DPP10: variants seen among roughly 807,000 people sequenced by gnomAD.
The protein encoded by DPP10 is dipeptidyl peptidase like 10, also known as inactive dipeptidyl peptidase 10.
In DPP10, 33 loss-of-function variants were observed where a neutral mutation model predicts 120.9. That is an observed-to-expected ratio of 0.27 (90% CI 0.21 to 0.37). The LOEUF is 0.37. DPP10 is among the 10% of genes least tolerant of loss of function. The pLI is 1.00. For synonymous variants in DPP10, 337 were observed against 326.1 expected, an observed-to-expected ratio of 1.03 and a Z score of -0.36; for missense variants, 816 against 942.8, an observed-to-expected ratio of 0.87 and a Z score of 1.76.
rs2051865573 is a variant in DPP10, at chr2:115,155,729, C to G, written c.61-153510C>G. The stretch of plus-strand genomic sequence containing the variant: ...CTTTTGACTGCATTCTAAAATTATA[C>G]AAATATATAGAAAACCAATGGCAGA... On this transcript the variant is annotated intron_variant, in intron 1 of 25. Transcript: ENST00000410059. Among the ~76,000 whole-genome samples the G allele has an allele frequency of 2.6e-5, 4 of 152,214 alleles. No individual in the cohort carries two copies. The South Asian group carries it at 8.3e-4, about 32-fold the overall frequency.
chr2:115,291,637 T>TG lies in DPP10; in HGVS notation c.61-17601dup, dbSNP rs200695947. On this transcript the variant is annotated intron_variant, in intron 1 of 25. Transcript: ENST00000410059. ...TCACTACCTTTATTTGAATGATGGA[T>TG]GTGTTGATGCCTAAGCCCATTTATC... Among the ~76,000 whole-genome samples, 72 of 152,266 alleles carry TG rather than the reference T, an allele frequency of 4.7e-4. No homozygotes were observed. The East Asian group carries it at 0.013, about 27-fold the overall frequency.
intron 1 of DPP10, among the ~76,000 whole-genome samples, chr2:114,521,529 T>C (rs1441675786): frequency 6.6e-6 from 1 of 152,120 alleles, no homozygotes; most frequent in Non-Finnish European, 1.5e-5. Context: ...CAAATTATGA[T>C]ATAAATTATA....
Position 115,492,930 on chromosome 2 carries a change from A to G in DPP10, c.272-6580A>G, listed in dbSNP as rs144535396. On this transcript the variant is annotated intron_variant, in intron 3 of 25. Coordinates refer to ENST00000410059, the MANE Select transcript of DPP10 (RefSeq NM_020868.6). ...TGTTGGGAATTTAACAATGCTTTGA[A>G]AAAAGTGAAAAGTTTGGACAAGATC... Among the ~76,000 whole-genome samples the G allele has an allele frequency of 4.3e-4, 66 of 152,254 alleles. No individual in the cohort carries two copies. The East Asian group carries it at 0.012, about 28-fold the overall frequency.
intron 1 of DPP10, among the ~76,000 whole-genome samples, chr2:115,134,987 A>C (rs1021739908): frequency 1.3e-5 from 2 of 152,102 alleles, no homozygotes; most frequent in Non-Finnish European, 2.9e-5. Flanking sequence ...GCAATGGCAT[A>C]TGGCACTAAT....
chr2:115,690,011 C>T, intron 7 of DPP10, 90 bp downstream of exon 7: 1 of 1,318,360 alleles, frequency 7.6e-7, no homozygotes, highest in Non-Finnish European at 1.1e-6. Context: ...CATAGGAAAA[C>T]TTGTCCTACA....
intron 1 of DPP10, among the ~76,000 whole-genome samples, chr2:114,594,779 C>A (rs1447216933): frequency 1.3e-5 from 2 of 151,982 alleles, no homozygotes; most frequent in East Asian, 3.9e-4. Flanking sequence ...TCTATAAATT[C>A]ATTGTTGCTA....
At chr2:115,741,202 G>T (rs11123320) in intron 9 of DPP10, among the ~76,000 whole-genome samples, 1 of 152,088 alleles carries the variant, frequency 6.6e-6, no homozygotes, top group African/African-American at 2.4e-5. Context: ...TCTCATCCAT[G>T]TTCCTTCCAC....
At chr2:114,610,566 G>A (rs1693205632) in intron 1 of DPP10, among the ~76,000 whole-genome samples, 3 of 152,108 alleles carry the variant, frequency 2.0e-5, no homozygotes, top group South Asian at 4.2e-4. Flanking sequence ...TTGAGTTTTG[G>A]GTAGCTTACT....
At chr2:114,469,357 T>A (rs1381449037) in intron 1 of DPP10, among the ~76,000 whole-genome samples, 1 of 152,208 alleles carries the variant, frequency 6.6e-6, no homozygotes, top group African/African-American at 2.4e-5. Flanking sequence ...TAATTATCAT[T>A]TTTTATTGTC....
intron 17 of DPP10, among the ~76,000 whole-genome samples, 167 bp downstream of exon 17, chr2:115,782,566 C>G (rs1344005318): frequency 6.6e-6 from 1 of 151,962 alleles, no homozygotes; most frequent in Non-Finnish European, 1.5e-5. Context: ...GTAAGAGAAA[C>G]AGTAAAGCAA....
chr2:115,299,724 G>A (rs7591002), intron 1 of DPP10, among the ~76,000 whole-genome samples: 104,126 of 151,906 alleles, frequency 0.69, 36,600 homozygotes, highest in East Asian at 0.89. Context: ...TCTTATTCAT[G>A]CCACACATTA....
intron 5 of DPP10, among the ~76,000 whole-genome samples, chr2:115,553,630 A>G (rs2080016140): frequency 1.3e-5 from 2 of 152,192 alleles, no homozygotes; most frequent in East Asian, 1.9e-4. Context: ...TAAATGCATT[A>G]GTGAGTAAAC....
rs2088895713 is a variant in DPP10, at chr2:115,660,790, CTT to C, written c.442-28896_442-28895del. Among the ~76,000 whole-genome samples, 3 of 150,392 alleles carry C rather than the reference CTT, an allele frequency of 2.0e-5. No individual in the cohort carries two copies. The South Asian group carries it at 6.4e-4, about 32-fold the overall frequency. On this transcript the variant is annotated intron_variant, in intron 5 of 25. Transcript: ENST00000410059. The stretch of plus-strand genomic sequence containing the variant: ...TATACTTGGAAATAACAAAGTGTAA[CTT>C]AAAAATACAAATATACTTTTTGTGC...
intron 5 of DPP10, among the ~76,000 whole-genome samples, chr2:115,534,095 AT>A (rs1395416890): frequency 2.9e-5 from 4 of 139,844 alleles, no homozygotes; most frequent in Admixed American, 6.8e-5. Flanking sequence ...ACTTTTATTT[AT>A]TTTTTTATTT....
intron 1 of DPP10, among the ~76,000 whole-genome samples, chr2:115,183,165 C>T (rs2054194047): frequency 6.6e-6 from 1 of 152,036 alleles, no homozygotes; most frequent in African/African-American, 2.4e-5. Context: ...CAGAAAATAA[C>T]ATAGAGGAAA....
chr2:114,982,619 G>C (rs992752673), intron 1 of DPP10, among the ~76,000 whole-genome samples: 4 of 141,646 alleles, frequency 2.8e-5, no homozygotes, highest in African/African-American at 1.1e-4. Context: ...TTTTTTAATT[G>C]ACACAAGGTG....
intron 1 of DPP10, among the ~76,000 whole-genome samples, chr2:114,536,924 C>T (rs181392492): frequency 1.8e-4 from 27 of 152,282 alleles, no homozygotes; most frequent in Non-Finnish European, 3.4e-4. Flanking sequence ...TAAGTTCACC[C>T]AAGTTTTAGC....
chr2:115,217,635 T>A (rs550713968), intron 1 of DPP10, among the ~76,000 whole-genome samples: 12 of 152,252 alleles, frequency 7.9e-5, no homozygotes, highest in South Asian at 4.2e-4. Flanking sequence ...ATGATCTTAT[T>A]TTACTTCAAT....
intron 1 of DPP10, among the ~76,000 whole-genome samples, chr2:114,884,623 T>C (rs531485795): frequency 1.1e-4 from 16 of 152,292 alleles, no homozygotes; most frequent in Admixed American, 5.9e-4. Flanking sequence ...ATATGTTCTT[T>C]AATGGTGATT....
Sources: gnomAD v4.1 joint callset for allele counts (sites outside exome capture counted in the v4.1 genomes callset) on GRCh38, gnomAD v4.1.1 for gene constraint, MANE v1.5 for transcripts, NCBI Gene and HGNC (gene_info 2026-07-23, HGNC 2026-07-21) for gene names.